RAB3B: variants seen among roughly 807,000 people sequenced by gnomAD.
The protein encoded by RAB3B is RAB3B, member RAS oncogene family.
A neutral mutation model predicts 20.5 loss-of-function variants in RAB3B; 11 were observed. That is an observed-to-expected ratio of 0.54 (90% confidence interval 0.34 to 0.89). The LOEUF is 0.89. RAB3B is among the 40% of genes least tolerant of loss of function. The pLI, the probability that RAB3B is intolerant of heterozygous loss-of-function variation, is 0.02. For missense variants in RAB3B, 225 were observed against 280.9 expected, an observed-to-expected ratio of 0.80 and a Z score of 1.42; for synonymous variants, 99 against 106.3, an observed-to-expected ratio of 0.93 and a Z score of 0.42.
At chr1:51,926,284 C>T (rs1176291122) in intron 4 of RAB3B, among the ~76,000 whole-genome samples, 7 of 152,190 alleles carry the variant, frequency 4.6e-5, no homozygotes, top group Non-Finnish European at 8.8e-5. Context: ...CTCTGTGTCC[C>T]CAGAGTCCAT....
intron 1 of RAB3B, chr1:51,980,399 G>C: frequency 2.4e-6 from 1 of 410,800 alleles, no homozygotes; most frequent in Non-Finnish European, 4.5e-6. Flanking sequence ...CTGCACTCCA[G>C]CTTGGGCAAC....
chr1:51,981,987 A>C (rs1298237043), intron 1 of RAB3B, among the ~76,000 whole-genome samples: 2 of 152,076 alleles, frequency 1.3e-5, no homozygotes, highest in Non-Finnish European at 2.9e-5. Context: ...TTTTCTATTT[A>C]TATTTAATAT....
chr1:51,954,600 T>C (rs1235900627), intron 2 of RAB3B, among the ~76,000 whole-genome samples: 1 of 152,166 alleles, frequency 6.6e-6, no homozygotes, highest in African/African-American at 2.4e-5. Context: ...CTGTTGTAGC[T>C]GGAGGACAGA....
chr1:51,914,875 G>A lies in RAB3B; in HGVS notation c.*5052C>T, dbSNP rs1684060169. On this transcript the variant is annotated 3_prime_UTR_variant, in exon 5 of 5. Transcript: ENST00000371655. ...AGAAAACTCGATATCCAAGCAAGGAGCTTAGTGGCCGGCAGGAGCAGGTGA... is the reference window on the plus strand; with the variant it reads ...AGAAAACTCGATATCCAAGCAAGGAACTTAGTGGCCGGCAGGAGCAGGTGA... 2 of 152,234 alleles carry A rather than the reference G, an allele frequency of 1.3e-5. No individual in the cohort carries two copies. Among genetic ancestry groups the A allele is most frequent in the African/African-American group, 2.4e-5 (1 of 41,454 alleles). The allele number at this position is 152,234 out of a possible 1,614,324, so 9.4% of individuals were successfully genotyped here. A position where few individuals can be genotyped will look rare whatever the true frequency, so the allele number is the denominator to read the frequency against.
chr1:51,980,761 C>T, intron 1 of RAB3B: 1 of 754,476 alleles, frequency 1.3e-6, no homozygotes, highest in South Asian at 1.3e-5. Context: ...GGACCAAACA[C>T]CCCCACCCTG....
At chr1:51,987,735 A>C (rs1258233534) in intron 1 of RAB3B, among the ~76,000 whole-genome samples, 1 of 152,188 alleles carries the variant, frequency 6.6e-6, no homozygotes, top group East Asian at 1.9e-4. Flanking sequence ...TGGTATAGGC[A>C]AGGGATTGGC....
intron 2 of RAB3B, among the ~76,000 whole-genome samples, chr1:51,972,828 A>G (rs1270747215): frequency 6.6e-6 from 1 of 152,228 alleles, no homozygotes; most frequent in Non-Finnish European, 1.5e-5. Context: ...TATGGCAGCC[A>G]GAGCAGAATA....
chr1:51,956,597 A>G (rs979755265), intron 2 of RAB3B, among the ~76,000 whole-genome samples: 1 of 152,064 alleles, frequency 6.6e-6, no homozygotes, highest in Non-Finnish European at 1.5e-5. Flanking sequence ...GGCCCCAAAC[A>G]TTGTGTTCCT....
In RAB3B at chr1:51,980,044, CA is replaced by C. The variant is rs199571767; in HGVS notation, c.1-2928del. 5.1e-3 allele frequency among the ~76,000 whole-genome samples: 754 copies of C among 148,552 alleles called. 13 individuals carry two copies. The South Asian group carries it at 0.06, about 12-fold the overall frequency. ...GCGACAGAGCGAGACTCCACCCCCCCAAAAAAAAAATTAACTGACATCCCAC... is the reference window on the plus strand; with the variant it reads ...GCGACAGAGCGAGACTCCACCCCCCCAAAAAAAAATTAACTGACATCCCAC... On this transcript the variant is annotated intron_variant, in intron 1 of 4. Transcript: ENST00000371655.
At chr1:51,986,825 G>C (rs1490768704) in intron 1 of RAB3B, among the ~76,000 whole-genome samples, 1 of 152,180 alleles carries the variant, frequency 6.6e-6, no homozygotes, top group African/African-American at 2.4e-5. Flanking sequence ...CTTAGGAGGG[G>C]GCGGCCAGGG....
At chr1:51,967,521 C>CTTTTTTTTTTCTTTTTTTTTTTTTTTT (rs1684871103) in intron 2 of RAB3B, among the ~76,000 whole-genome samples, 1 of 36,496 alleles carries the variant, frequency 2.7e-5, no homozygotes, top group Non-Finnish European at 5.7e-5. Flanking sequence ...TTTTCTTTTT[C>CTTTTTTTTTTCTTTTTTTTTTTTTTTT]TTTTTTTTTT....
intron 1 of RAB3B, among the ~76,000 whole-genome samples, chr1:51,989,901 G>T (rs990638312): frequency 1.4e-5 from 2 of 145,354 alleles, no homozygotes; most frequent in Non-Finnish European, 3.0e-5. Flanking sequence ...CCCCATAAAT[G>T]ACCCTCTTTC....
At chr1:51,949,614 G>A (rs561452626) in intron 2 of RAB3B, among the ~76,000 whole-genome samples, 80 of 152,338 alleles carry the variant, frequency 5.3e-4, no homozygotes, top group Non-Finnish European at 1.0e-3. Flanking sequence ...CACCCCAAGG[G>A]GAAGGTGGCA....
At chr1:51,967,521 C>CTTTTTTTTTTTTTTTTTTT (rs71041868) in intron 2 of RAB3B, among the ~76,000 whole-genome samples, 537 of 36,504 alleles carry the variant, frequency 0.015, 219 homozygotes, top group East Asian at 0.032. Flanking sequence ...TTTTCTTTTT[C>CTTTTTTTTTTTTTTTTTTT]TTTTTTTTTT....
At chr1:51,971,971 A>T (rs1684943278) in intron 2 of RAB3B, among the ~76,000 whole-genome samples, 1 of 152,174 alleles carries the variant, frequency 6.6e-6, no homozygotes. Flanking sequence ...ACTTGAGGTC[A>T]GAAGTTCAAG....
At chr1:51,976,171 T>C (rs2124311013) in intron 2 of RAB3B, among the ~76,000 whole-genome samples, 1 of 151,944 alleles carries the variant, frequency 6.6e-6, no homozygotes, top group Middle Eastern at 3.4e-3. Context: ...TTTATTTATT[T>C]ATTTATTTAT....
At chr1:51,956,882 A>G (rs1684713895) in intron 2 of RAB3B, among the ~76,000 whole-genome samples, 1 of 152,186 alleles carries the variant, frequency 6.6e-6, no homozygotes, top group African/African-American at 2.4e-5. Flanking sequence ...TTCAGAGATT[A>G]AACACCTTGC....
chr1:51,910,508 A>G lies in RAB3B; in HGVS notation c.*9419T>C, dbSNP rs550967495. ...GTCAGGCATGGACCATCCAAACACA[A>G]ATTGCTAAGATGCTTTCTGGCAGCC... On this transcript the variant is annotated 3_prime_UTR_variant, in exon 5 of 5. Coordinates refer to ENST00000371655, the MANE Select transcript of RAB3B (RefSeq NM_002867.4). 1 of 152,232 alleles carries G rather than the reference A, an allele frequency of 6.6e-6. No individual in the cohort carries two copies. The highest frequency in any genetic ancestry group is 6.5e-5 in the Admixed American group (1 of 15,278). 9.4% of individuals were successfully genotyped at this position (152,232 alleles called of 1,614,324 possible).
intron 2 of RAB3B, among the ~76,000 whole-genome samples, chr1:51,945,402 C>T (rs1684550726): frequency 6.6e-6 from 1 of 152,174 alleles, no homozygotes. Flanking sequence ...ATTTAATAGA[C>T]TACTACAGTA....
Sources: gnomAD v4.1 joint callset for allele counts (sites outside exome capture counted in the v4.1 genomes callset) on GRCh38, gnomAD v4.1.1 for gene constraint, MANE v1.5 for transcripts, NCBI Gene and HGNC (gene_info 2026-07-23, HGNC 2026-07-21) for gene names.